The following MPRIP variants were observed in gnomAD, a reference collection of about 807,000 sequenced individuals.
MPRIP encodes the protein myosin phosphatase Rho interacting protein.
In MPRIP, 59 loss-of-function variants were observed where a neutral mutation model predicts 234.9. That is an observed-to-expected ratio of 0.25 (90% CI 0.20 to 0.31). MPRIP has a LOEUF of 0.31. MPRIP is among the 10% of genes least tolerant of loss of function. MPRIP has a pLI of 1.00. For synonymous variants in MPRIP, 1,144 were observed against 1,263.9 expected (o/e 0.91, Z 2.01); for missense variants, 2,436 against 3,071.0 (o/e 0.79, Z 4.89).
At chr17:17,101,697 C>T (rs2144221101) in intron 3 of MPRIP, among the ~76,000 whole-genome samples, 1 of 152,352 alleles carries the variant, frequency 6.6e-6, no homozygotes, top group South Asian at 2.1e-4. Context: ...TATATATTTT[C>T]CTGCCTGGGG....
At chr17:17,128,738 A>G (rs913438486) in intron 4 of MPRIP, among the ~76,000 whole-genome samples, 1 of 151,914 alleles carries the variant, frequency 6.6e-6, no homozygotes, top group African/African-American at 2.4e-5. Context: ...TCACCTTCCC[A>G]CAAGCTGGGA....
At position 17,057,691 on chromosome 17, in the gene MPRIP, T is replaced by C. The variant is rs534131492; in HGVS notation, c.123+14720T>C. 4.2e-6 allele frequency: 3 copies of C among 718,050 alleles called. No individual in the cohort carries two copies. The Admixed American group carries it at 6.0e-5, about 14-fold the overall frequency. 44.5% of individuals were successfully genotyped at this position (718,050 alleles called of 1,614,324 possible). ...GGAGCTCACATATATGATGCACGAATGTTCTCATGTTGAAGGACAGGAAGA... is the reference window on the plus strand; with the variant it reads ...GGAGCTCACATATATGATGCACGAACGTTCTCATGTTGAAGGACAGGAAGA... On this transcript the variant is annotated intron_variant, in intron 1 of 23. Coordinates refer to ENST00000651222, the MANE Select transcript of MPRIP (RefSeq NM_001364716.4).
intron 6 of MPRIP, among the ~76,000 whole-genome samples, chr17:17,137,105 A>G (rs1198330892): frequency 6.6e-6 from 1 of 152,032 alleles, no homozygotes; most frequent in Non-Finnish European, 1.5e-5. Flanking sequence ...TTCTACATGC[A>G]CTCTGGGTGG....
intron 1 of MPRIP, among the ~76,000 whole-genome samples, chr17:17,070,901 C>T (rs1209934706): frequency 6.6e-6 from 1 of 152,216 alleles, no homozygotes; most frequent in African/African-American, 2.4e-5. Context: ...GACAGTGCTT[C>T]CGTGGGGGAA....
chr17:17,095,497 G>T (rs924496042), intron 3 of MPRIP, among the ~76,000 whole-genome samples: 1 of 152,146 alleles, frequency 6.6e-6, no homozygotes, highest in African/African-American at 2.4e-5. Flanking sequence ...TCCCCTGATA[G>T]GAATTCTCTC....
rs532740186 is a variant in MPRIP at position 17,074,801 on chromosome 17, G to A, written c.124-909G>A. Among the ~76,000 whole-genome samples, 166 of 152,250 alleles carry A rather than the reference G, an allele frequency of 1.1e-3. 1 individual carries two copies. The highest frequency in any genetic ancestry group is 7.5e-3 in the South Asian group (36 of 4,816). ...GTTTTCGGGGTTCCTCGGTGTTGTG[G>A]TGTATGTTAGTGCTTCATTCCTTTT... On this transcript the variant is annotated intron_variant, in intron 1 of 23. Transcript: ENST00000651222.
At chr17:17,055,176 T>TCC (rs1287447509) in intron 1 of MPRIP, among the ~76,000 whole-genome samples, 2 of 152,044 alleles carry the variant, frequency 1.3e-5, no homozygotes, top group African/African-American at 4.8e-5. Context: ...GTCATGCAGG[T>TCC]CCCATGAAGG....
At chr17:17,112,229 C>G (rs923281172) in intron 3 of MPRIP, among the ~76,000 whole-genome samples, 1 of 152,128 alleles carries the variant, frequency 6.6e-6, no homozygotes, top group East Asian at 1.9e-4. Context: ...CTCTGCCCTC[C>G]CACTCCTTGG....
intron 1 of MPRIP, among the ~76,000 whole-genome samples, chr17:17,044,917 GGT>G (rs2088295375): frequency 6.6e-6 from 1 of 152,144 alleles, no homozygotes; most frequent in South Asian, 2.1e-4. Context: ...TGCTGGGAGA[GGT>G]TAGCCCAGCA....
intron 1 of MPRIP, among the ~76,000 whole-genome samples, chr17:17,062,309 C>T (rs2143936447): frequency 6.6e-6 from 1 of 152,278 alleles, no homozygotes; most frequent in East Asian, 1.9e-4. Flanking sequence ...TCTTCCCCTC[C>T]CTTAAATAAT....
At chr17:17,070,759 T>C (rs2089173075) in intron 1 of MPRIP, among the ~76,000 whole-genome samples, 1 of 152,262 alleles carries the variant, frequency 6.6e-6, no homozygotes, top group South Asian at 2.1e-4. Flanking sequence ...TTCTTGGTTG[T>C]CTTTGTTCAT....
intron 3 of MPRIP, among the ~76,000 whole-genome samples, chr17:17,102,905 C>G (rs1383425655): frequency 6.6e-6 from 1 of 152,238 alleles, no homozygotes; most frequent in Non-Finnish European, 1.5e-5. Context: ...AACCTGCACC[C>G]TTCTGGGGGT....
intron 16 of MPRIP, chr17:17,169,152 A>C: frequency 2.6e-6 from 1 of 384,086 alleles, no homozygotes; most frequent in Non-Finnish European, 5.2e-6. Context: ...TTCAACAGCT[A>C]TGTTTTCAAA....
At chr17:17,120,305 C>CA (rs1441685633) in intron 3 of MPRIP, among the ~76,000 whole-genome samples, 1 of 152,118 alleles carries the variant, frequency 6.6e-6, no homozygotes, top group Non-Finnish European at 1.5e-5. Flanking sequence ...CCTGTTTTCC[C>CA]AAAAGTGCTT....
At chr17:17,093,461 C>T (rs1027248881) in intron 3 of MPRIP, among the ~76,000 whole-genome samples, 22 of 152,102 alleles carry the variant, frequency 1.4e-4, no homozygotes, top group African/African-American at 4.8e-4. Flanking sequence ...GATAGTGGGG[C>T]AGTAGTTTGT....
chr17:17,064,758 A>G (rs1183804087), intron 1 of MPRIP, among the ~76,000 whole-genome samples: 1 of 152,172 alleles, frequency 6.6e-6, no homozygotes, highest in East Asian at 1.9e-4. Flanking sequence ...ATTCCATGGT[A>G]AGAGGGGACA....
chr17:17,074,843 T>G (rs2089290269), intron 1 of MPRIP, among the ~76,000 whole-genome samples: 1 of 152,226 alleles, frequency 6.6e-6, no homozygotes, highest in South Asian at 2.1e-4. Context: ...TGAATAATGT[T>G]CCCTTGTGTG....
rs1450973956 is a variant in MPRIP at position 17,154,336 on chromosome 17, A to G, written c.1750A>G (p.Met584Val). 6 of 1,614,054 alleles carry G rather than the reference A, an allele frequency of 3.7e-6. No individual in the cohort carries two copies. Among genetic ancestry groups the G allele is most frequent in the South Asian group, 1.1e-5 (1 of 91,088 alleles). The stretch of plus-strand genomic sequence containing the variant: ...GGAGGGCGAGTTTACCCTGTCGGCC[A>G]TGACATCTGGGATTCGGCGGAACTG... The part of the protein sequence containing the change: ...TKEGEFTLSA[M>V]TSGIRRNWIQ... Residue 584 changes from methionine (M) to valine (V), a missense_variant, in exon 13 of 24, where the codon ATG (methionine) becomes GTG (valine). Around this residue, in one of 4 missense-constraint regions of MPRIP, gnomAD observed 1,998 missense variants for 2,520.3 expected, o/e 0.79. Transcript: ENST00000651222.
chr17:17,096,001 CCA>C (rs1567711606), intron 3 of MPRIP, among the ~76,000 whole-genome samples: 1 of 152,140 alleles, frequency 6.6e-6, no homozygotes, highest in African/African-American at 2.4e-5. Context: ...TACCTCCCCC[CCA>C]CACACACTTT....
Sources: allele counts gnomAD v4.1 joint callset (sites outside exome capture counted in the v4.1 genomes callset), GRCh38; gene constraint gnomAD v4.1.1; regional missense constraint gnomAD v4.1.1; transcripts MANE v1.5; gene names NCBI Gene and HGNC (gene_info 2026-07-23, HGNC 2026-07-21).